Variants in ZNF169 observed in about 807,000 individuals in gnomAD.
ZNF169 encodes zinc finger protein 169.
A neutral mutation model predicts 12.0 loss-of-function variants in ZNF169; 11 were observed. The ratio of observed to expected loss-of-function variants is 0.92; its 90% CI spans 0.58 to 1.52. The LOEUF (loss-of-function observed/expected upper bound fraction) is 1.52, where lower values mean the gene tolerates loss of function less well. Ranked by LOEUF, ZNF169 falls within the 40% of genes most tolerant of loss-of-function variation. The pLI, the probability that ZNF169 is intolerant of heterozygous loss-of-function variation, is 0.00. For synonymous variants in ZNF169, 302 were observed against 286.5 expected (o/e 1.05, Z -0.55); for missense variants, 722 against 744.0 (o/e 0.97, Z 0.34).
intron 1 of ZNF169, among the ~76,000 whole-genome samples, chr9:94,268,274 T>A (rs1830328635): frequency 6.6e-6 from 1 of 152,200 alleles, no homozygotes; most frequent in East Asian, 1.9e-4. Flanking sequence ...AGGAAATCTG[T>A]TAACTCTGTG....
chr9:94,286,801 A>G (rs146097087), intron 2 of ZNF169, among the ~76,000 whole-genome samples: 137 of 152,300 alleles, frequency 9.0e-4, no homozygotes, highest in African/African-American at 3.2e-3. Context: ...AAGAAACACA[A>G]CACAAAAAGG....
Position 94,301,443 on chromosome 9 carries a change from G to GAAA in ZNF169, c.*82_*84dup. The GAAA allele has an allele frequency of 1.7e-6, 2 of 1,159,804 alleles. No homozygotes were observed. Among genetic ancestry groups the GAAA allele is most frequent in the Non-Finnish European group, 1.1e-6 (1 of 877,590 alleles). 71.8% of individuals were successfully genotyped at this position (1,159,804 alleles called of 1,614,324 possible). A position where few individuals can be genotyped will look rare whatever the true frequency, so the allele number is the denominator to read the frequency against. ...TGCTTCAGTTTCCTGAAATGGAATG[G>GAAA]AAAAAAAAAAATGTTGCTTTCTTTC... On this transcript the variant is annotated 3_prime_UTR_variant, in exon 5 of 5. Coordinates refer to ENST00000395395, the MANE Select transcript of ZNF169 (RefSeq NM_194320.4).
chr9:94,296,646 G>A (rs1830956662), intron 4 of ZNF169, among the ~76,000 whole-genome samples: 1 of 152,058 alleles, frequency 6.6e-6, no homozygotes, highest in South Asian at 2.1e-4. Context: ...AATTTCCTAT[G>A]TATCTTTGTG....
At chr9:94,283,080 T>G (rs1419260307) in intron 2 of ZNF169, among the ~76,000 whole-genome samples, 1 of 152,180 alleles carries the variant, frequency 6.6e-6, no homozygotes, top group Non-Finnish European at 1.5e-5. Context: ...CATGAGATCA[T>G]GTAATTTAAC....
Position 94,300,460 on chromosome 9 carries a change from A to G in ZNF169, c.902A>G (p.Tyr301Cys), listed in dbSNP as rs749838496. ...VCRECGRHFR[Y>C]TSSLTNHKRI... ...AGGGAATGTGGGCGACACTTCAGGT[A>G]TACATCCTCTCTCACTAATCACAAG... The change falls in exon 5 of 5, where the codon TAT becomes TGT. Residue 301 changes from tyrosine (Y) to cysteine (C), a missense_variant. Transcript: ENST00000395395. The G allele has an allele frequency of 3.3e-5, 53 of 1,614,164 alleles. No individual in the cohort carries two copies. Among genetic ancestry groups the G allele is most frequent in the Non-Finnish European group, 4.3e-5 (51 of 1,180,034 alleles).
intron 1 of ZNF169, among the ~76,000 whole-genome samples, chr9:94,270,739 A>ATATATTT (rs1287089189): frequency 8.3e-5 from 1 of 12,006 alleles, no homozygotes; most frequent in Non-Finnish European, 1.8e-4. Flanking sequence ...TTATATAATT[A>ATATATTT]ATGTATTTAT....
At chr9:94,262,020 A>C (rs7865288) in intron 1 of ZNF169, among the ~76,000 whole-genome samples, 11,644 of 152,314 alleles carry the variant, frequency 0.076, 582 homozygotes, top group Middle Eastern at 0.13. Flanking sequence ...GCCTCACTAC[A>C]GATATTTGTC....
In ZNF169 at chr9:94,276,920, G is replaced by A. The variant is rs902809190; in HGVS notation, c.-55-1838G>A. ...CTGTTGACAAAAAGAGTCAAGCTCC[G>A]TAAAATATTTTCAGAGATTTATTGT... On this transcript the variant is annotated intron_variant, in intron 1 of 4. Transcript: ENST00000395395. 3.9e-5 allele frequency among the ~76,000 whole-genome samples: 6 copies of A among 152,158 alleles called. No individual in the cohort carries two copies. The East Asian group carries it at 7.7e-4, about 20-fold the overall frequency.
intron 2 of ZNF169, among the ~76,000 whole-genome samples, chr9:94,289,744 C>T (rs1830794048): frequency 6.6e-6 from 1 of 152,086 alleles, no homozygotes; most frequent in Admixed American, 6.6e-5. Flanking sequence ...GAGCTGAGAT[C>T]GTGCCATTGC....
chr9:94,287,841 AT>A, intron 2 of ZNF169: 1 of 1,073,184 alleles, frequency 9.3e-7, no homozygotes, highest in Non-Finnish European at 1.4e-6. Flanking sequence ...GGAGTTGTTC[AT>A]TTTAGCCGAG....
At chr9:94,298,184 T>C (rs1190775018) in intron 4 of ZNF169, among the ~76,000 whole-genome samples, 1 of 151,378 alleles carries the variant, frequency 6.6e-6, no homozygotes, top group Non-Finnish European at 1.5e-5. Context: ...AAAAAAAATT[T>C]GTTCAAGGAG....
At chr9:94,273,575 CTTTCTTTT>C (rs999604775) in intron 1 of ZNF169, among the ~76,000 whole-genome samples, 109 of 110,000 alleles carry the variant, frequency 9.9e-4, no homozygotes, top group Non-Finnish European at 1.0e-3. Flanking sequence ...AACTTTCTTT[CTTTCTTTT>C]TTTTTTTTTT....
chr9:94,296,101 T>C (rs1307145514), intron 4 of ZNF169, among the ~76,000 whole-genome samples: 1 of 152,226 alleles, frequency 6.6e-6, no homozygotes, highest in Non-Finnish European at 1.5e-5. Context: ...CATCTTACCG[T>C]GGTTTTAACA....
At chr9:94,284,623 G>C (rs1427790287) in intron 2 of ZNF169, among the ~76,000 whole-genome samples, 1 of 151,818 alleles carries the variant, frequency 6.6e-6, no homozygotes, top group Admixed American at 6.6e-5. Context: ...TATCTGAACA[G>C]GAAATTTAAA....
rs1187306211 is a variant in ZNF169, at chr9:94,300,374, C to T, written c.816C>T (p.Ser272=). 6.2e-7 allele frequency: 1 copy of T among 1,611,978 alleles called. No homozygotes were observed. Among genetic ancestry groups the T allele is most frequent in the East Asian group, 2.2e-5 (1 of 44,724 alleles). Residue 272 remains serine, a synonymous_variant, in exon 5 of 5, where the codon AGC becomes AGT. Transcript: ENST00000395395. ...GTCCTGAGTGTGGGCGTCGGTTTAG[C>T]CAGAAGGCCTCCCTCTCCATACACC... is the stretch of plus-strand genomic sequence containing the variant. ...YLCPECGRRF[S]QKASLSIHQR... is the part of the protein sequence containing the mutation.
At chr9:94,274,559 C>T (rs1830488303) in intron 1 of ZNF169, among the ~76,000 whole-genome samples, 1 of 152,052 alleles carries the variant, frequency 6.6e-6, no homozygotes, top group Non-Finnish European at 1.5e-5. Context: ...GGATTATGTC[C>T]CAATAAACCC....
At chr9:94,268,935 A>G (rs955508989) in intron 1 of ZNF169, among the ~76,000 whole-genome samples, 1 of 144,658 alleles carries the variant, frequency 6.9e-6, no homozygotes, top group Non-Finnish European at 1.5e-5. Flanking sequence ...GCTCAAAAAG[A>G]CAAGGTCTTA....
At position 94,300,779 on chromosome 9, in the gene ZNF169, T is replaced by C. The variant is rs148780516; in HGVS notation, c.1221T>C (p.Cys407=). Residue 407 remains cysteine, a synonymous_variant, in exon 5 of 5, where the codon TGT becomes TGC. Coordinates refer to ENST00000395395, the MANE Select transcript of ZNF169 (RefSeq NM_194320.4). The part of the protein sequence containing the change: ...SGEKPYVCAE[C]GHSFRQKVTL... Reference sequence around the variant, plus strand: ...AGAAGCCTTATGTCTGTGCTGAGTGTGGGCACAGCTTTCGCCAAAAGGTCA... The same window carrying C: ...AGAAGCCTTATGTCTGTGCTGAGTGCGGGCACAGCTTTCGCCAAAAGGTCA... 299 of 1,613,800 alleles carry C rather than the reference T, an allele frequency of 1.9e-4. 1 individual carries two copies. In the African/African-American group the frequency reaches 3.3e-3, roughly 18 times the overall value.
chr9:94,291,706 C>G (rs538602279), intron 2 of ZNF169, among the ~76,000 whole-genome samples: 2 of 152,066 alleles, frequency 1.3e-5, no homozygotes, highest in African/African-American at 4.8e-5. Flanking sequence ...AAATACAGTA[C>G]CATTAAAATT....
Sources: allele counts gnomAD v4.1 joint callset (sites outside exome capture counted in the v4.1 genomes callset), GRCh38; gene constraint gnomAD v4.1.1; transcripts MANE v1.5; gene names NCBI Gene and HGNC (gene_info 2026-07-23, HGNC 2026-07-21).